The following DIAPH2 variants were observed in gnomAD, a reference collection of about 807,000 sequenced individuals.
The protein encoded by DIAPH2 is protein diaphanous homolog 2.
A neutral mutation model predicts 92.7 loss-of-function variants in DIAPH2; 35 were observed. That is an observed-to-expected ratio of 0.38 (90% CI 0.29 to 0.50). DIAPH2 has a LOEUF of 0.50. Ranked by LOEUF, DIAPH2 falls within the 20% of genes least tolerant of loss-of-function variation. DIAPH2 has a pLI of 0.94. For synonymous variants in DIAPH2, 301 were observed against 280.4 expected (o/e 1.07, Z -0.73); for missense variants, 701 against 819.5 (o/e 0.86, Z 1.77).
At chrX:97,551,981 A>G (rs2071223122) in intron 26 of DIAPH2, among the ~76,000 whole-genome samples, 1 of 111,827 alleles carries the variant, frequency 8.9e-6, no homozygotes, top group Admixed American at 9.5e-5. Flanking sequence ...TGACTCAGCT[A>G]AGGATCATGG....
At chrX:97,575,235 C>T (rs1185279956) in intron 26 of DIAPH2, among the ~76,000 whole-genome samples, 1 of 112,946 alleles carries the variant, frequency 8.9e-6, no homozygotes, top group Non-Finnish European at 1.9e-5. Context: ...GGCTGTGCCA[C>T]GCTCCCTGTG....
chrX:96,814,692 G>C (rs886175243), intron 4 of DIAPH2, among the ~76,000 whole-genome samples: 1 of 111,859 alleles, frequency 8.9e-6, no homozygotes, highest in Non-Finnish European at 1.9e-5. Context: ...TGAAATGGGT[G>C]ACCTCCAGAT....
chrX:97,084,748 C>G (rs1305470787), intron 19 of DIAPH2, among the ~76,000 whole-genome samples: 1 of 111,307 alleles, frequency 9.0e-6, no homozygotes, highest in Non-Finnish European at 1.9e-5. Context: ...TAAGGGGCCT[C>G]TAGATAAAGA....
intron 23 of DIAPH2, among the ~76,000 whole-genome samples, chrX:97,258,959 C>T (rs2068267160): frequency 9.1e-6 from 1 of 109,394 alleles, no homozygotes; most frequent in South Asian, 4.0e-4. Context: ...CTGCTCCAAA[C>T]TTCTAAGACA....
At chrX:97,181,143 C>A (rs1295406651) in intron 22 of DIAPH2, among the ~76,000 whole-genome samples, 2 of 107,519 alleles carry the variant, frequency 1.9e-5, no homozygotes, top group Non-Finnish European at 3.9e-5. Context: ...GATCTCGGCT[C>A]ACCACGTCCT....
chrX:96,964,230 G>C (rs1431891706), intron 16 of DIAPH2, among the ~76,000 whole-genome samples: 2 of 111,204 alleles, frequency 1.8e-5, no homozygotes, highest in Non-Finnish European at 3.8e-5. Flanking sequence ...TCAATCTTAT[G>C]CATATATTTA....
intron 23 of DIAPH2, among the ~76,000 whole-genome samples, chrX:97,261,059 T>G (rs1271338832): frequency 8.9e-6 from 1 of 112,801 alleles, no homozygotes; most frequent in African/African-American, 3.2e-5. Flanking sequence ...TGATGGCTTT[T>G]TCAATACCAA....
chrX:97,242,364 C>CTCT (rs1569338899), intron 22 of DIAPH2, among the ~76,000 whole-genome samples: 1 of 109,041 alleles, frequency 9.2e-6, no homozygotes, highest in African/African-American at 3.4e-5. Flanking sequence ...CTCTAAGCAG[C>CTCT]TCTTTTTTTT....
intron 4 of DIAPH2, among the ~76,000 whole-genome samples, chrX:96,780,895 C>T (rs1327892591): frequency 9.1e-6 from 1 of 109,551 alleles, no homozygotes; most frequent in Non-Finnish European, 1.9e-5. Context: ...CAACCTCCGC[C>T]TCCTGGGATC....
chrX:97,496,769 C>T lies in DIAPH2; in HGVS notation c.3241+67024C>T, dbSNP rs1403257718. On this transcript the variant is annotated intron_variant, in intron 26 of 26. Coordinates refer to ENST00000324765, the MANE Select transcript of DIAPH2 (RefSeq NM_006729.5). Reference sequence around the variant, plus strand: ...GCCAGGCTAGTCTCGAACTCCTGACCTCAGGTGATCCGCCCACATCGGCCT... The same window carrying T: ...GCCAGGCTAGTCTCGAACTCCTGACTTCAGGTGATCCGCCCACATCGGCCT... Among the ~76,000 whole-genome samples, 6 of 107,646 alleles carry T rather than the reference C, an allele frequency of 5.6e-5. No individual in the cohort carries two copies. The East Asian group carries it at 1.8e-3, about 32-fold the overall frequency. 93.5% of individuals were successfully genotyped at this position (107,646 alleles called of 115,157 possible).
chrX:96,815,031 A>G (rs930923967), intron 4 of DIAPH2, among the ~76,000 whole-genome samples: 2 of 112,131 alleles, frequency 1.8e-5, no homozygotes, highest in African/African-American at 6.5e-5. Flanking sequence ...TCAGAGTTCA[A>G]ACCTCCGTGC....
At position 97,227,632 on chromosome X, in the gene DIAPH2, CAAGTCTTACAAAGTCAAAGTTGCAT is replaced by C. The variant is rs1217063695; in HGVS notation, c.2720-20049_2720-20025del. ...ATCTCAAACAGGTCTTAGTTTATTC[CAAGTCTTACAAAGTCAAAGTTGCAT>C]AAGTCTTACAAAGTCAAAGTTGCAT... is the stretch of plus-strand genomic sequence containing the variant. On this transcript the variant is annotated intron_variant, in intron 22 of 26. Coordinates refer to ENST00000324765, the MANE Select transcript of DIAPH2 (RefSeq NM_006729.5). 1.3e-4 allele frequency among the ~76,000 whole-genome samples: 14 copies of C among 111,665 alleles called. No individual in the cohort carries two copies. The South Asian group carries it at 3.8e-3, about 30-fold the overall frequency.
intron 24 of DIAPH2, among the ~76,000 whole-genome samples, chrX:97,376,017 A>G (rs1210095649): frequency 9.2e-6 from 1 of 108,977 alleles, no homozygotes; most frequent in Non-Finnish European, 1.9e-5. Flanking sequence ...TTAAACTCCT[A>G]TTTTCCAAAG....
intron 26 of DIAPH2, among the ~76,000 whole-genome samples, chrX:97,508,712 T>C (rs1182504570): frequency 7.1e-5 from 8 of 112,295 alleles, no homozygotes; most frequent in Non-Finnish European, 1.3e-4. Context: ...TGAATGCAGA[T>C]AACTCATATC....
chrX:97,413,319 A>C (rs1474012814), intron 25 of DIAPH2, among the ~76,000 whole-genome samples: 3 of 111,708 alleles, frequency 2.7e-5, no homozygotes, highest in African/African-American at 9.8e-5. Context: ...TGATTATCTC[A>C]GTGGTTGCAG....
intron 26 of DIAPH2, among the ~76,000 whole-genome samples, chrX:97,537,865 T>C (rs2071108311): frequency 9.1e-6 from 1 of 109,377 alleles, no homozygotes; most frequent in South Asian, 4.0e-4. Flanking sequence ...CCAGATACAC[T>C]ACTTAAGCTA....
At chrX:96,842,184 A>G (rs2064941438) in intron 4 of DIAPH2, among the ~76,000 whole-genome samples, 1 of 111,873 alleles carries the variant, frequency 8.9e-6, no homozygotes. Context: ...CCCAAGCTAC[A>G]CTAAAGGTCC....
chrX:96,999,940 G>A (rs768576548), intron 17 of DIAPH2, among the ~76,000 whole-genome samples: 1 of 111,773 alleles, frequency 8.9e-6, no homozygotes, highest in East Asian at 2.8e-4. Flanking sequence ...TTGCTGCCGT[G>A]TAAGACATGC....
intron 26 of DIAPH2, among the ~76,000 whole-genome samples, chrX:97,574,256 T>G (rs957667539): frequency 3.6e-5 from 4 of 112,128 alleles, no homozygotes; most frequent in African/African-American, 1.3e-4. Flanking sequence ...GCAATTTACC[T>G]TTAACAACTA....
Sources: gnomAD v4.1 joint callset for allele counts (sites outside exome capture counted in the v4.1 genomes callset) on GRCh38, gnomAD v4.1.1 for gene constraint, MANE v1.5 for transcripts, NCBI Gene and HGNC (gene_info 2026-07-23, HGNC 2026-07-21) for gene names.